Variants in DPYSL3 observed in about 807,000 individuals in gnomAD.
DPYSL3 encodes dihydropyrimidinase-related protein 3.
A neutral mutation model predicts 66.1 loss-of-function variants in DPYSL3; 16 were observed. The observed-to-expected ratio is 0.24, with a 90% CI of 0.16 to 0.37. The LOEUF is 0.37. DPYSL3 is among the 10% of genes least tolerant of loss of function. The pLI, the probability that DPYSL3 is intolerant of heterozygous loss-of-function variation, is 1.00. For missense variants in DPYSL3, 738 were observed against 916.2 expected, an observed-to-expected ratio of 0.81 and a Z score of 2.51; for synonymous variants, 338 against 345.1, an observed-to-expected ratio of 0.98 and a Z score of 0.23.
At position 147,509,420 on chromosome 5, in the gene DPYSL3, G is replaced by T. The variant is rs1023665481; in HGVS notation, c.381+58C>A. On this transcript the variant is annotated intron_variant, in intron 1 of 13. Coordinates refer to ENST00000343218, the MANE Select transcript of DPYSL3 (RefSeq NM_001197294.2). This position sits in a 1 kb window ranked among gnomAD's most constrained non-coding sequence, Gnocchi z 5.3. ...GAGAAAGTTGTGCCCGGGCCATGGCGGCCAGGGCTGGAGAAAGGAACGAAG... is the reference window on the plus strand; with the variant it reads ...GAGAAAGTTGTGCCCGGGCCATGGCTGCCAGGGCTGGAGAAAGGAACGAAG... 19 of 1,448,814 alleles carry T rather than the reference G, an allele frequency of 1.3e-5. No homozygotes were observed. In the African/African-American group the frequency reaches 2.7e-4, roughly 21 times the overall value. 89.7% of individuals were successfully genotyped at this position (1,448,814 alleles called of 1,614,324 possible).
intron 1 of DPYSL3, among the ~76,000 whole-genome samples, chr5:147,448,848 A>G: frequency 6.6e-6 from 1 of 152,256 alleles, no homozygotes; most frequent in East Asian, 1.9e-4. Context: ...GAATCAGCAC[A>G]TACCTGCTCA....
At chr5:147,394,146 AG>A (rs751567310) in intron 13 of DPYSL3, 23 bp from the exon 14 acceptor site, 2 of 1,610,032 alleles carry the variant, frequency 1.2e-6, no homozygotes, top group Non-Finnish European at 1.7e-6. Context: ...ATAAATTCCC[AG>A]GGGGAAAAAA....
At position 147,509,768 on chromosome 5, in the gene DPYSL3, G is replaced by T; in HGVS notation, c.91C>A (p.Arg31=). Residue 31 remains arginine, a synonymous_variant, in exon 1 of 14, where the codon CGG becomes AGG. Coordinates refer to ENST00000343218, the MANE Select transcript of DPYSL3 (RefSeq NM_001197294.2). This position sits in a 1 kb window ranked among gnomAD's most constrained non-coding sequence, Gnocchi z 5.3. ...ARPGTTDQVP[R]QKYGGMFCNV... is the part of the protein sequence containing the mutation. ...CAGAACATGCCGCCGTATTTCTGCC[G>T]CGGGACCTGGTCCGTGGTGCCCGGC... 6.5e-7 allele frequency: 1 copy of T among 1,536,012 alleles called. No homozygotes were observed. The highest frequency in any genetic ancestry group is 8.7e-7 in the Non-Finnish European group (1 of 1,146,814).
rs2126468819 is a variant in DPYSL3 at position 147,509,784 on chromosome 5, G to A, written c.75C>T (p.Thr25=). 1 of 1,536,008 alleles carries A rather than the reference G, an allele frequency of 6.5e-7. No homozygotes were observed. The highest frequency in any genetic ancestry group is 1.2e-5 in the South Asian group (1 of 84,066). Residue 25 remains threonine (T), a synonymous_variant, in exon 1 of 14, where the codon ACC becomes ACT. Coordinates refer to ENST00000343218, the MANE Select transcript of DPYSL3 (RefSeq NM_001197294.2). This position sits in a 1 kb window ranked among gnomAD's most constrained non-coding sequence, Gnocchi z 5.3. The part of the protein sequence containing the change: ...DLPVYLARPG[T]TDQVPRQKYG... ...ATTTCTGCCGCGGGACCTGGTCCGT[G>A]GTGCCCGGCCTGGCCAGGTACACGG...
chr5:147,508,997 C>G (rs1177674904), intron 1 of DPYSL3, among the ~76,000 whole-genome samples: 1 of 152,158 alleles, frequency 6.6e-6, no homozygotes, highest in Non-Finnish European at 1.5e-5. Context: ...GGAGACCGCC[C>G]CTCCAGTACT....
intron 2 of DPYSL3, among the ~76,000 whole-genome samples, chr5:147,420,623 C>T (rs1752060354): frequency 6.6e-6 from 1 of 152,192 alleles, no homozygotes; most frequent in South Asian, 2.1e-4. Context: ...GACAGACAAA[C>T]AACTATGTGA....
chr5:147,472,325 G>C (rs1191992847), intron 1 of DPYSL3, among the ~76,000 whole-genome samples: 4 of 152,102 alleles, frequency 2.6e-5, no homozygotes, highest in Non-Finnish European at 5.9e-5. Context: ...TTACTATTCT[G>C]AGATGCAAGA....
At chr5:147,424,502 G>T (rs1427716019) in intron 2 of DPYSL3, among the ~76,000 whole-genome samples, 1 of 152,176 alleles carries the variant, frequency 6.6e-6, no homozygotes, top group African/African-American at 2.4e-5. Flanking sequence ...CTTAAGTCAA[G>T]GTTCAGATTA....
At position 147,478,432 on chromosome 5, in the gene DPYSL3, G is replaced by A. The variant is rs998150317; in HGVS notation, c.381+31046C>T. ...CATCATAACATCTAAGAAGTATGGT[G>A]TAAGAAGATGGTACCTTTGGAAAGA... is the stretch of plus-strand genomic sequence containing the variant. On this transcript the variant is annotated intron_variant, in intron 1 of 13. Coordinates refer to ENST00000343218, the MANE Select transcript of DPYSL3 (RefSeq NM_001197294.2). Among the ~76,000 whole-genome samples the A allele has an allele frequency of 5.3e-5, 8 of 152,336 alleles. No individual in the cohort carries two copies. In the East Asian group the frequency reaches 9.7e-4, roughly 18 times the overall value.
intron 1 of DPYSL3, among the ~76,000 whole-genome samples, chr5:147,499,444 T>G (rs1753571003): frequency 6.6e-6 from 1 of 152,142 alleles, no homozygotes; most frequent in Non-Finnish European, 1.5e-5. Context: ...TAGAAAACCC[T>G]GTGCAACTGA....
chr5:147,395,968 C>T (rs1012274446), intron 12 of DPYSL3, among the ~76,000 whole-genome samples: 48 of 152,058 alleles, frequency 3.2e-4, no homozygotes, highest in Non-Finnish European at 5.9e-4. Flanking sequence ...GATCAAAGGA[C>T]GTTGCTATGG....
At chr5:147,409,914 T>C (rs775136870) in intron 6 of DPYSL3, among the ~76,000 whole-genome samples, 1 of 152,102 alleles carries the variant, frequency 6.6e-6, no homozygotes, top group Non-Finnish European at 1.5e-5. Flanking sequence ...TTTTTAGTAA[T>C]AGAAATCTCT....
chr5:147,409,167 C>T (rs1751790416), intron 6 of DPYSL3, among the ~76,000 whole-genome samples: 1 of 152,202 alleles, frequency 6.6e-6, no homozygotes, highest in African/African-American at 2.4e-5. Flanking sequence ...TTTCACTCAA[C>T]AAAATGTATT....
At chr5:147,464,036 T>C (rs1398768245) in intron 1 of DPYSL3, among the ~76,000 whole-genome samples, 2 of 151,282 alleles carry the variant, frequency 1.3e-5, no homozygotes, top group Non-Finnish European at 1.5e-5. Context: ...CAATAACAAA[T>C]GAGATACAAG....
intron 1 of DPYSL3, among the ~76,000 whole-genome samples, chr5:147,498,262 T>C (rs1753551119): frequency 6.7e-6 from 1 of 149,086 alleles, no homozygotes; most frequent in African/African-American, 2.5e-5. Flanking sequence ...CCAAAGGACA[T>C]GATCTCATTC....
At chr5:147,482,606 C>T (rs773411810) in intron 1 of DPYSL3, among the ~76,000 whole-genome samples, 1 of 152,216 alleles carries the variant, frequency 6.6e-6, no homozygotes, top group Non-Finnish European at 1.5e-5. Flanking sequence ...TGAGCTTCCT[C>T]AGAGGCCACC....
intron 6 of DPYSL3, among the ~76,000 whole-genome samples, chr5:147,409,890 C>A (rs557190821): frequency 1.3e-5 from 2 of 152,046 alleles, no homozygotes; most frequent in Non-Finnish European, 2.9e-5. Context: ...TGGAAAAGAA[C>A]GTTCTGTTTT....
rs772784218 is a variant in DPYSL3, at chr5:147,412,679, T to A, written c.892A>T (p.Ile298Phe). 2 of 1,611,270 alleles carry A rather than the reference T, an allele frequency of 1.2e-6. No individual in the cohort carries two copies. Among genetic ancestry groups the A allele is most frequent in the Non-Finnish European group, 1.7e-6 (2 of 1,178,650 alleles). The change falls in exon 6 of 14, where the codon ATC becomes TTC. Residue 298 changes from isoleucine (I) to phenylalanine (F), a missense_variant. Transcript: ENST00000343218. Reference protein sequence around the residue: ...YQVSNTELYEIFTCLGELGAI... With the variant: ...YQVSNTELYEFFTCLGELGAI... Reference sequence around the variant, plus strand: ...CCCAGCTCTCCCAGGCAGGTGAAGATCTCATAGAGCTGAAATAGAAATGAG... The same window carrying A: ...CCCAGCTCTCCCAGGCAGGTGAAGAACTCATAGAGCTGAAATAGAAATGAG...
intron 2 of DPYSL3, among the ~76,000 whole-genome samples, chr5:147,419,586 A>G (rs1752041330): frequency 6.6e-6 from 1 of 152,210 alleles, no homozygotes; most frequent in African/African-American, 2.4e-5. Context: ...ATAAGCCTCT[A>G]TATGACCATT....
Sources: allele counts gnomAD v4.1 joint callset (sites outside exome capture counted in the v4.1 genomes callset), GRCh38; gene constraint gnomAD v4.1.1; non-coding constraint Gnocchi (gnomAD v3.1); transcripts MANE v1.5; gene names NCBI Gene and HGNC (gene_info 2026-07-23, HGNC 2026-07-21).